The following CBX1 variants were observed in gnomAD, a reference collection of about 807,000 sequenced individuals.
The protein encoded by CBX1 is chromobox protein homolog 1.
In CBX1, 10 loss-of-function variants were observed where a neutral mutation model predicts 25.1. The ratio of observed to expected loss-of-function variants is 0.40; its 90% CI spans 0.25 to 0.68. CBX1 has a LOEUF of 0.68. Among genes scored for constraint, CBX1 ranks in the 30% least tolerant of loss-of-function variants. CBX1 has a pLI of 0.40. For synonymous variants in CBX1, 63 were observed against 79.4 expected (o/e 0.79, Z 1.10); for missense variants, 106 against 218.5 (o/e 0.49, Z 3.25).
Position 48,070,472 on chromosome 17 carries a change from AAG to A in CBX1, c.*961_*962del, listed in dbSNP as rs1383616173. Reference sequence around the variant, plus strand: ...AACGGCTCCAAGAGTTTTCCCCACTAAGAGCATGGGCCCTTGTCTTTCCCTAC... The same window carrying A: ...AACGGCTCCAAGAGTTTTCCCCACTAAGCATGGGCCCTTGTCTTTCCCTAC... On this transcript the variant is annotated 3_prime_UTR_variant, in exon 5 of 5. Transcript: ENST00000225603. 1 of 152,538 alleles carries A rather than the reference AAG, an allele frequency of 6.6e-6. No individual in the cohort carries two copies. Among genetic ancestry groups the A allele is most frequent in the Admixed American group, 6.6e-5 (1 of 15,266 alleles). 9.4% of individuals were successfully genotyped at this position (152,538 alleles called of 1,614,324 possible). A position where few individuals can be genotyped will look rare whatever the true frequency, so the allele number is the denominator to read the frequency against.
intron 1 of CBX1, among the ~76,000 whole-genome samples, chr17:48,079,472 TTATTG>T (rs369876248): frequency 1.7e-3 from 259 of 152,328 alleles, no homozygotes; most frequent in African/African-American, 6.1e-3. Context: ...TCTTGTTAAC[TTATTG>T]TATTTAGTTT....
chr17:48,100,716 C>T, intron 1 of CBX1: 1 of 985,524 alleles, frequency 1.0e-6, no homozygotes, highest in South Asian at 4.7e-5. Context: ...GTCCCCTTTC[C>T]CAATTTATTC....
chr17:48,087,872 CAAAAAAAAAAAA>C (rs531431865), intron 1 of CBX1, among the ~76,000 whole-genome samples: 1 of 89,496 alleles, frequency 1.1e-5, no homozygotes, highest in Non-Finnish European at 2.2e-5. Context: ...GACTCAGTCT[CAAAAAAAAAAAA>C]AAAAAAGAAA....
chr17:48,073,829 A>C (rs1360247916), intron 4 of CBX1, among the ~76,000 whole-genome samples: 3 of 147,942 alleles, frequency 2.0e-5, no homozygotes, highest in South Asian at 2.1e-4. Flanking sequence ...TGTCTCAAAA[A>C]AAAAAAAAAA....
At chr17:48,094,114 CAAAAAAAAA>C (rs11459504) in intron 1 of CBX1, among the ~76,000 whole-genome samples, 10 of 50,834 alleles carry the variant, frequency 2.0e-4, no homozygotes, top group East Asian at 6.9e-4. Flanking sequence ...AACTCTGTCT[CAAAAAAAAA>C]AAAAAAAAAA....
rs60857566 is a variant in CBX1, at chr17:48,073,824, C to CAAAAAAAAAAAAAAAAAAAA, written c.413+1162_413+1181dup. On this transcript the variant is annotated intron_variant, in intron 4 of 4. Coordinates refer to ENST00000225603, the MANE Select transcript of CBX1 (RefSeq NM_001127228.2). Reference sequence around the variant, plus strand: ...CCTGGGCGAAAGAGTGAGACTGTCTCAAAAAAAAAAAAAAAAAAAAAGACA... The same window carrying CAAAAAAAAAAAAAAAAAAAA: ...CCTGGGCGAAAGAGTGAGACTGTCTCAAAAAAAAAAAAAAAAAAAAAAAAAAAAAAAAAAAAAAAAAGACA... Among the ~76,000 whole-genome samples, 212 of 82,454 alleles carry CAAAAAAAAAAAAAAAAAAAA rather than the reference C, an allele frequency of 2.6e-3. 7 individuals carry two copies. The highest frequency in any genetic ancestry group is 6.1e-3 in the Middle Eastern group (1 of 164). 54.1% of individuals were successfully genotyped at this position (82,454 alleles called of 152,430 possible).
chr17:48,093,258 G>A (rs1223811635), intron 1 of CBX1, among the ~76,000 whole-genome samples: 3 of 147,402 alleles, frequency 2.0e-5, no homozygotes, highest in African/African-American at 5.0e-5. Context: ...CTGGGCAATA[G>A]AGCGAGACTC....
Position 48,076,855 on chromosome 17 carries a change from T to G in CBX1, c.140+10A>C. 6.2e-7 allele frequency: 1 copy of G among 1,606,928 alleles called. No individual in the cohort carries two copies. Among genetic ancestry groups the G allele is most frequent in the Non-Finnish European group, 8.5e-7 (1 of 1,177,524 alleles). On this transcript the variant is annotated intron_variant, in intron 2 of 4. Coordinates refer to ENST00000225603, the MANE Select transcript of CBX1 (RefSeq NM_001127228.2). ...TGGTGGCTACATTTACCTGTGTCAG[T>G]GAAACTTACTCTGAGAATCCCTTCC...
Position 48,071,592 on chromosome 17 carries a change from G to C in CBX1, c.414-13C>G, listed in dbSNP as rs201506173. ...ATCAGAGTTTTTCCTGCAGAATAAA[G>C]CAAAGAGAGACTTTGAGACCAGGTG... On this transcript the variant is annotated splice_polypyrimidine_tract_variant and intron_variant, in intron 4 of 4. Transcript: ENST00000225603. 6.3e-6 allele frequency: 10 copies of C among 1,586,850 alleles called. No homozygotes were observed. The East Asian group carries it at 2.3e-4, about 36-fold the overall frequency.
At chr17:48,090,997 AAAT>A (rs1330738361) in intron 1 of CBX1, among the ~76,000 whole-genome samples, 8 of 152,260 alleles carry the variant, frequency 5.3e-5, no homozygotes, top group Admixed American at 4.6e-4. Context: ...ATAAACAAGA[AAAT>A]ATTACTGATA....
At chr17:48,099,111 C>CT (rs911923496) in intron 1 of CBX1, among the ~76,000 whole-genome samples, 12 of 151,812 alleles carry the variant, frequency 7.9e-5, no homozygotes, top group East Asian at 1.9e-4. Flanking sequence ...TCTATCTTTT[C>CT]TTTTTTTTGA....
intron 4 of CBX1, among the ~76,000 whole-genome samples, chr17:48,072,995 G>A (rs767367845): frequency 6.6e-6 from 1 of 151,590 alleles, no homozygotes; most frequent in Non-Finnish European, 1.5e-5. Context: ...GGTGGCGTGC[G>A]CCTGTAATCC....
In CBX1 at chr17:48,084,526, T is replaced by C. The variant is rs1326333772; in HGVS notation, c.-37-7485A>G. On this transcript the variant is annotated intron_variant, in intron 1 of 4. Transcript: ENST00000225603. ...GCCGGGCGCCAAGCTTCTGTTAAAC[T>C]CCTGGCCTCACACAATTCTCTCGCT... Among the ~76,000 whole-genome samples, 3 of 149,234 alleles carry C rather than the reference T, an allele frequency of 2.0e-5. 1 individual carries two copies. The highest frequency in any genetic ancestry group is 7.7e-5 in the African/African-American group (3 of 39,072).
chr17:48,098,222 G>A (rs768921773), intron 1 of CBX1, among the ~76,000 whole-genome samples: 1 of 151,644 alleles, frequency 6.6e-6, no homozygotes, highest in East Asian at 1.9e-4. Context: ...CTGCACTCCA[G>A]CCTGGCAACA....
At chr17:48,082,449 C>T (rs71369829) in intron 1 of CBX1, among the ~76,000 whole-genome samples, 33,774 of 142,500 alleles carry the variant, frequency 0.24, 4,142 homozygotes, top group African/African-American at 0.3. Context: ...TTGCAGTGAG[C>T]CGAGATCATG....
At chr17:48,075,597 G>T (rs533585651) in intron 3 of CBX1, among the ~76,000 whole-genome samples, 1 of 152,258 alleles carries the variant, frequency 6.6e-6, no homozygotes, top group Non-Finnish European at 1.5e-5. Context: ...AAGCGCATGA[G>T]ATTTTCCCTA....
At chr17:48,080,919 CAAAAAAAAAAAAAAAAAAA>C (rs1176173688) in intron 1 of CBX1, among the ~76,000 whole-genome samples, 3 of 11,546 alleles carry the variant, frequency 2.6e-4, no homozygotes, top group Non-Finnish European at 4.2e-4. Context: ...GACTCCATCT[CAAAAAAAAAAAAAAAAAAA>C]AAAAAAAAAA....
At chr17:48,078,645 A>T (rs1481248555) in intron 1 of CBX1, among the ~76,000 whole-genome samples, 2 of 150,878 alleles carry the variant, frequency 1.3e-5, no homozygotes, top group African/African-American at 4.9e-5. Context: ...GCCCGCCATT[A>T]CGCCTGGCTA....
At chr17:48,077,264 T>C (rs1377174591) in intron 1 of CBX1, among the ~76,000 whole-genome samples, 1 of 151,582 alleles carries the variant, frequency 6.6e-6, no homozygotes, top group Non-Finnish European at 1.5e-5. Flanking sequence ...AACTTTTTTT[T>C]TTTTTTTGAG....
Sources: gnomAD v4.1 joint callset for allele counts (sites outside exome capture counted in the v4.1 genomes callset) on GRCh38, gnomAD v4.1.1 for gene constraint, MANE v1.5 for transcripts, NCBI Gene and HGNC (gene_info 2026-07-23, HGNC 2026-07-21) for gene names.